LIPH: variants seen among roughly 807,000 people sequenced by gnomAD.
LIPH encodes lipase H.
In LIPH, 32 loss-of-function variants were observed where a neutral mutation model predicts 47.6. The observed-to-expected ratio is 0.67, with a 90% CI of 0.51 to 0.90. LIPH has a LOEUF of 0.90. Among genes scored for constraint, LIPH ranks in the 40% least tolerant of loss-of-function variants. LIPH has a pLI of 0.00. For missense variants in LIPH, 497 were observed against 541.4 expected (o/e 0.92, Z 0.81); for synonymous variants, 190 against 195.6 (o/e 0.97, Z 0.24).
intron 8 of LIPH, among the ~76,000 whole-genome samples, chr3:185,513,031 AAGTT>A (rs1209708766): frequency 6.6e-5 from 10 of 152,136 alleles, no homozygotes; most frequent in Non-Finnish European, 1.2e-4. Flanking sequence ...GTGTGCCAGA[AAGTT>A]AGTAAGTGTT....
intron 4 of LIPH, among the ~76,000 whole-genome samples, chr3:185,525,043 C>G (rs146962683): frequency 6.6e-6 from 1 of 151,024 alleles, no homozygotes; most frequent in African/African-American, 2.4e-5. Context: ...GGCGAAACCC[C>G]GTCTCTACAA....
intron 2 of LIPH, 90 bp from the exon 3 acceptor site, chr3:185,533,769 G>T: frequency 1.2e-6 from 1 of 817,152 alleles, no homozygotes; most frequent in South Asian, 1.4e-5. Context: ...CTTTGGAGAA[G>T]TAATTCTAAG....
At chr3:185,512,732 G>A (rs61522588) in intron 8 of LIPH, among the ~76,000 whole-genome samples, 61,830 of 151,104 alleles carry the variant, frequency 0.41, 12,883 homozygotes, top group Middle Eastern at 0.48. Context: ...CAGGTGATCC[G>A]CCTGCCTCGG....
intron 1 of LIPH, among the ~76,000 whole-genome samples, chr3:185,536,750 T>C (rs897908994): frequency 5.3e-5 from 8 of 152,172 alleles, no homozygotes; most frequent in African/African-American, 1.9e-4. Context: ...AGATGTTACT[T>C]GTTGGTTACA....
intron 3 of LIPH, among the ~76,000 whole-genome samples, chr3:185,530,312 C>G (rs970741943): frequency 2.6e-5 from 4 of 151,934 alleles, no homozygotes; most frequent in Non-Finnish European, 4.4e-5. Flanking sequence ...AACTCCATCT[C>G]TACTAAAAAT....
At chr3:185,516,623 T>C (rs894731576) in intron 7 of LIPH, among the ~76,000 whole-genome samples, 1 of 152,124 alleles carries the variant, frequency 6.6e-6, no homozygotes, top group African/African-American at 2.4e-5. Context: ...TCATGTTTGC[T>C]TTAGAGCTGG....
rs1577681837 is a variant in LIPH, at chr3:185,534,789, C to G, written c.393G>C (p.Leu131Phe). The G allele has an allele frequency of 1.2e-6, 2 of 1,613,690 alleles. No individual in the cohort carries two copies. The highest frequency in any genetic ancestry group is 2.2e-5 in the South Asian group (2 of 91,070). Reference protein sequence around the residue: ...SSKTRKVAMVLKEFIDQMLAE... With the variant: ...SSKTRKVAMVFKEFIDQMLAE... ...CCAACATCTGGTCAATAAATTCCTTCAAGACCATGGCTACTTTTCTGGTCT... is the reference window on the plus strand; with the variant it reads ...CCAACATCTGGTCAATAAATTCCTTGAAGACCATGGCTACTTTTCTGGTCT... The change falls in exon 2 of 10, where the codon TTG becomes TTC. Residue 131 changes from leucine (L) to phenylalanine (F), a missense_variant. Transcript: ENST00000296252.
chr3:185,535,286 A>C (rs1189099404), intron 1 of LIPH, among the ~76,000 whole-genome samples, 154 bp from the exon 2 acceptor site: 4 of 152,000 alleles, frequency 2.6e-5, no homozygotes, highest in Admixed American at 2.0e-4. Flanking sequence ...AAAATCATAT[A>C]TACATACTTT....
chr3:185,546,648 A>C (rs2148966176), intron 1 of LIPH, among the ~76,000 whole-genome samples: 1 of 152,216 alleles, frequency 6.6e-6, no homozygotes, highest in East Asian at 1.9e-4. Context: ...AAAAATCAAA[A>C]AGTTAGCTGG....
intron 1 of LIPH, among the ~76,000 whole-genome samples, chr3:185,544,402 G>A (rs1323720897): frequency 6.7e-6 from 1 of 150,042 alleles, no homozygotes; most frequent in East Asian, 2.0e-4. Flanking sequence ...CACCCAGGCT[G>A]AAGTGCAATG....
intron 1 of LIPH, among the ~76,000 whole-genome samples, chr3:185,537,653 G>A (rs1720543890): frequency 6.6e-6 from 1 of 152,096 alleles, no homozygotes; most frequent in Non-Finnish European, 1.5e-5. Context: ...TCCTGGTTGT[G>A]CAACTGACTC....
At chr3:185,527,991 G>A (rs890491632) in intron 3 of LIPH, among the ~76,000 whole-genome samples, 14 of 151,672 alleles carry the variant, frequency 9.2e-5, no homozygotes, top group African/African-American at 3.1e-4. Flanking sequence ...TTGGGAGGCC[G>A]AGGCAGGCAG....
At chr3:185,527,254 A>G (rs368061049) in intron 4 of LIPH, among the ~76,000 whole-genome samples, 3 of 152,192 alleles carry the variant, frequency 2.0e-5, no homozygotes, top group African/African-American at 7.2e-5. Context: ...AAATTAAAAA[A>G]ATAAAAATAT....
intron 3 of LIPH, among the ~76,000 whole-genome samples, chr3:185,528,924 G>C (rs768415805): frequency 6.6e-6 from 1 of 151,522 alleles, no homozygotes; most frequent in African/African-American, 2.4e-5. Flanking sequence ...AGCACTTTGG[G>C]AGGCCGAGGT....
At chr3:185,521,182 A>G (rs1015852029) in intron 5 of LIPH, among the ~76,000 whole-genome samples, 2 of 152,144 alleles carry the variant, frequency 1.3e-5, no homozygotes, top group African/African-American at 4.8e-5. Flanking sequence ...ACTAGCTTCT[A>G]TCTTGAATAG....
intron 8 of LIPH, among the ~76,000 whole-genome samples, chr3:185,513,020 C>A (rs62290247): frequency 0.42 from 63,590 of 151,790 alleles, 13,509 homozygotes; most frequent in Middle Eastern, 0.47. Context: ...CCTGGAAACC[C>A]GTGTGCCAGA....
At chr3:185,512,769 A>G (rs1719611904) in intron 8 of LIPH, among the ~76,000 whole-genome samples, 1 of 143,022 alleles carries the variant, frequency 7.0e-6, no homozygotes, top group Non-Finnish European at 1.6e-5. Flanking sequence ...AATTACAGGC[A>G]TGAGCCACCG....
At chr3:185,546,746 T>C in intron 1 of LIPH, 1 of 308,730 alleles carries the variant, frequency 3.2e-6, no homozygotes, top group Non-Finnish European at 6.2e-6. Context: ...TGCAGTGAGC[T>C]GTGAGCTGCG....
intron 1 of LIPH, among the ~76,000 whole-genome samples, chr3:185,545,471 C>G (rs1252837414): frequency 6.6e-6 from 1 of 152,210 alleles, no homozygotes; most frequent in Non-Finnish European, 1.5e-5. Context: ...ATATTGTCCA[C>G]GGCTACTTTC....
Sources: gnomAD v4.1 joint callset for allele counts (sites outside exome capture counted in the v4.1 genomes callset) on GRCh38, gnomAD v4.1.1 for gene constraint, MANE v1.5 for transcripts, NCBI Gene and HGNC (gene_info 2026-07-23, HGNC 2026-07-21) for gene names.